Variants in CSMD3 observed in about 807,000 individuals in gnomAD.
CSMD3 encodes CUB and sushi domain-containing protein 3.
Under a neutral mutation model 435.2 loss-of-function variants are expected in CSMD3, and 177 were observed. The observed-to-expected ratio is 0.41, with a 90% CI of 0.36 to 0.46. The LOEUF (loss-of-function observed/expected upper bound fraction) is 0.46, where lower values mean the gene tolerates loss of function less well. Ranked by LOEUF, CSMD3 falls within the 20% of genes least tolerant of loss-of-function variation. CSMD3 has a pLI of 0.34. For synonymous variants in CSMD3, 1,656 were observed against 1,520.5 expected, an observed-to-expected ratio of 1.09 and a Z score of -2.07; for missense variants, 4,265 against 4,504.6, an observed-to-expected ratio of 0.95 and a Z score of 1.52.
At chr8:113,237,623 T>C (rs1398337937) in intron 3 of CSMD3, among the ~76,000 whole-genome samples, 1 of 150,508 alleles carries the variant, frequency 6.6e-6, no homozygotes, top group African/African-American at 2.5e-5. Context: ...AGTTGGTCTC[T>C]AGATGAATTA....
At chr8:113,230,127 A>C (rs1183459359) in intron 3 of CSMD3, among the ~76,000 whole-genome samples, 1 of 149,770 alleles carries the variant, frequency 6.7e-6, no homozygotes, top group Non-Finnish European at 1.5e-5. Context: ...GTTTTAAGTT[A>C]ATACATGGAT....
At chr8:112,649,322 T>G (rs1000964343) in intron 19 of CSMD3, among the ~76,000 whole-genome samples, 1 of 152,224 alleles carries the variant, frequency 6.6e-6, no homozygotes, top group Admixed American at 6.5e-5. Context: ...GATGTTTTGA[T>G]GAGTTGTTTA....
intron 38 of CSMD3, among the ~76,000 whole-genome samples, chr8:112,376,169 A>AG (rs1225549430): frequency 6.6e-6 from 1 of 152,180 alleles, no homozygotes; most frequent in East Asian, 1.9e-4. Flanking sequence ...TACCACAAAT[A>AG]TATCTATTAC....
chr8:113,144,638 C>T (rs996382902), intron 4 of CSMD3, among the ~76,000 whole-genome samples: 6 of 151,312 alleles, frequency 4.0e-5, no homozygotes, highest in African/African-American at 9.7e-5. Context: ...TTTTCTGTTG[C>T]TTTCTTACTC....
chr8:113,169,509 C>T (rs1303483073), intron 4 of CSMD3, among the ~76,000 whole-genome samples: 5 of 152,100 alleles, frequency 3.3e-5, no homozygotes, highest in African/African-American at 1.2e-4. Flanking sequence ...CAAATATACT[C>T]AAATCATCAA....
intron 10 of CSMD3, among the ~76,000 whole-genome samples, chr8:112,864,145 C>A (rs868863130): frequency 6.6e-6 from 1 of 152,130 alleles, no homozygotes; most frequent in Non-Finnish European, 1.5e-5. Context: ...TTATCTAACA[C>A]AATATGCTGT....
intron 3 of CSMD3, among the ~76,000 whole-genome samples, chr8:113,251,993 C>T (rs1031233060): frequency 6.6e-6 from 1 of 151,966 alleles, no homozygotes; most frequent in Non-Finnish European, 1.5e-5. Flanking sequence ...CTATTATGCT[C>T]AAATGTTACA....
At chr8:112,614,289 A>G (rs1365250711) in intron 22 of CSMD3, among the ~76,000 whole-genome samples, 1 of 152,074 alleles carries the variant, frequency 6.6e-6, no homozygotes, top group Non-Finnish European at 1.5e-5. Context: ...TGCTCCCCAG[A>G]GTCTATTTGC....
chr8:112,250,975 T>A (rs1455211423), intron 63 of CSMD3, among the ~76,000 whole-genome samples: 1 of 151,762 alleles, frequency 6.6e-6, no homozygotes, highest in Non-Finnish European at 1.5e-5. Context: ...AAAATTTATA[T>A]AGCAAATAAT....
intron 29 of CSMD3, among the ~76,000 whole-genome samples, chr8:112,504,751 C>G (rs992855117): frequency 1.3e-5 from 2 of 151,976 alleles, no homozygotes; most frequent in African/African-American, 2.4e-5. Flanking sequence ...TAACAATTGT[C>G]CCACAATGAT....
At chr8:112,304,962 C>T (rs1238504200) in intron 51 of CSMD3, 47 bp from the exon 52 acceptor site, 22 of 1,386,222 alleles carry the variant, frequency 1.6e-5, no homozygotes, top group Non-Finnish European at 2.1e-5. Context: ...CACTATATCT[C>T]AACGTCTATT....
intron 2 of CSMD3, among the ~76,000 whole-genome samples, chr8:113,289,792 C>A (rs1029132048): frequency 6.6e-6 from 1 of 151,564 alleles, no homozygotes; most frequent in South Asian, 2.1e-4. Flanking sequence ...ACAAAAAACA[C>A]GATTCTACAA....
intron 1 of CSMD3, among the ~76,000 whole-genome samples, chr8:113,401,196 A>T (rs933185194): frequency 6.6e-6 from 1 of 151,770 alleles, no homozygotes; most frequent in East Asian, 1.9e-4. Flanking sequence ...TGAAATAAAC[A>T]TCTGCTTAGA....
chr8:112,811,702 G>C (rs2079233231), intron 12 of CSMD3, among the ~76,000 whole-genome samples: 1 of 152,168 alleles, frequency 6.6e-6, no homozygotes, highest in Admixed American at 6.6e-5. Flanking sequence ...CTCTGATGCA[G>C]ATCACAATCT....
intron 10 of CSMD3, among the ~76,000 whole-genome samples, chr8:112,903,421 A>C (rs1264623393): frequency 6.6e-6 from 1 of 151,314 alleles, no homozygotes; most frequent in Non-Finnish European, 1.5e-5. Context: ...AAAGAGTATA[A>C]GATGACTGGA....
chr8:113,279,049 G>C (rs887645603), intron 2 of CSMD3, among the ~76,000 whole-genome samples: 1 of 151,020 alleles, frequency 6.6e-6, no homozygotes, highest in African/African-American at 2.4e-5. Flanking sequence ...ATTGAATATG[G>C]AAGTCCTGTG....
chr8:112,338,739 C>T (rs1363783648), intron 42 of CSMD3, among the ~76,000 whole-genome samples: 1 of 151,894 alleles, frequency 6.6e-6, no homozygotes, highest in Non-Finnish European at 1.5e-5. Context: ...TTAATGTGTC[C>T]TTTTCATTTT....
At chr8:112,602,930 G>A (rs911104117) in intron 22 of CSMD3, among the ~76,000 whole-genome samples, 9 of 152,116 alleles carry the variant, frequency 5.9e-5, no homozygotes, top group African/African-American at 2.2e-4. Flanking sequence ...GGGGTGGGGA[G>A]AGAGACAAAG....
At chr8:112,388,323 T>C (rs547467679) in intron 36 of CSMD3, among the ~76,000 whole-genome samples, 1 of 152,280 alleles carries the variant, frequency 6.6e-6, no homozygotes, top group African/African-American at 2.4e-5. Flanking sequence ...TACTTTCAGA[T>C]GGTTACTCTA....
Sources: allele counts gnomAD v4.1 joint callset (sites outside exome capture counted in the v4.1 genomes callset), GRCh38; gene constraint gnomAD v4.1.1; transcripts MANE v1.5; gene names NCBI Gene and HGNC (gene_info 2026-07-23, HGNC 2026-07-21).